ARID1A: variants seen among roughly 807,000 people sequenced by gnomAD.
ARID1A encodes the protein AT-rich interactive domain-containing protein 1A.
A neutral mutation model predicts 212.6 loss-of-function variants in ARID1A; 20 were observed. The ratio of observed to expected loss-of-function variants is 0.09; its 90% CI spans 0.07 to 0.14. ARID1A has a LOEUF of 0.14. ARID1A is among the 10% of genes least tolerant of loss of function. The pLI, the probability that ARID1A is intolerant of heterozygous loss-of-function variation, is 1.00. For missense variants in ARID1A, 2,587 were observed against 3,059.0 expected (o/e 0.85, Z 3.64); for synonymous variants, 1,376 against 1,222.1 (o/e 1.13, Z -2.63).
chr1:26,699,416 G>A (rs576219719), intron 1 of ARID1A, among the ~76,000 whole-genome samples: 1 of 152,258 alleles, frequency 6.6e-6, no homozygotes, highest in South Asian at 2.1e-4. Flanking sequence ...AACCCCTTGC[G>A]CTTTTGTGCT....
intron 4 of ARID1A, among the ~76,000 whole-genome samples, chr1:26,755,778 C>G (rs2080923096): frequency 6.6e-6 from 1 of 151,198 alleles, no homozygotes; most frequent in African/African-American, 2.4e-5. Flanking sequence ...GAGTCTCGCT[C>G]TGTTGCCCAG....
chr1:26,738,027 CTCTT>C (rs1344905837), intron 4 of ARID1A, among the ~76,000 whole-genome samples: 1 of 150,862 alleles, frequency 6.6e-6, no homozygotes, highest in African/African-American at 2.4e-5. Context: ...CTATAGTAAA[CTCTT>C]TTTTTTTTTT....
At chr1:26,741,040 TGGGTAAGACCTGAGTC>T (rs1474258976) in intron 4 of ARID1A, among the ~76,000 whole-genome samples, 1 of 152,204 alleles carries the variant, frequency 6.6e-6, no homozygotes, top group Non-Finnish European at 1.5e-5. Context: ...AACTGAAACT[TGGGTAAGACCTGAGTC>T]TGGATACAAG....
chr1:26,700,768 A>C (rs1464743898), intron 1 of ARID1A, among the ~76,000 whole-genome samples: 3 of 152,254 alleles, frequency 2.0e-5, no homozygotes, highest in Non-Finnish European at 4.4e-5. Flanking sequence ...ACTGGCAGAA[A>C]TTCTAGGCTG....
At chr1:26,714,623 G>A (rs1400865217) in intron 1 of ARID1A, among the ~76,000 whole-genome samples, 1 of 152,052 alleles carries the variant, frequency 6.6e-6, no homozygotes, top group Non-Finnish European at 1.5e-5. Flanking sequence ...CACTATGTCA[G>A]CCAGGCTGGT....
intron 1 of ARID1A, among the ~76,000 whole-genome samples, chr1:26,709,573 T>C (rs990515637): frequency 8.6e-5 from 13 of 151,698 alleles, no homozygotes; most frequent in Non-Finnish European, 1.9e-4. Context: ...TATTGGTCTT[T>C]ACCGAATTCA....
chr1:26,736,322 C>CAAAA (rs1159133678), intron 4 of ARID1A, among the ~76,000 whole-genome samples: 1 of 52,450 alleles, frequency 1.9e-5, no homozygotes, highest in African/African-American at 7.1e-5. Flanking sequence ...AACTCCATCT[C>CAAAA]AAAAAAAAAA....
At chr1:26,758,774 A>G (rs1178417764) in intron 4 of ARID1A, among the ~76,000 whole-genome samples, 5 of 152,194 alleles carry the variant, frequency 3.3e-5, no homozygotes, top group Non-Finnish European at 5.9e-5. Flanking sequence ...AAATCATTCT[A>G]TGCTGGAACG....
rs1057522894 is a variant in ARID1A, at chr1:26,696,514, C to T, written c.111C>T (p.Gly37=). The T allele has an allele frequency of 7.3e-6, 9 of 1,227,098 alleles. No individual in the cohort carries two copies. The highest frequency in any genetic ancestry group is 6.3e-5 in the African/African-American group (4 of 63,150). The allele number at this position is 1,227,098 out of a possible 1,614,324, so 76.0% of individuals were successfully genotyped here. A position where few individuals can be genotyped will look rare whatever the true frequency, so the allele number is the denominator to read the frequency against. ...AEQQQREEAG[G]EAAAAAAAER... is the part of the protein sequence containing the mutation. ...AGCAGCAGCGGGAGGAGGCGGGGGG[C>T]GAGGCGGCGGCGGCGGCAGCGGCCG... The change falls in exon 1 of 20, where the codon GGC becomes GGT. Residue 37 remains glycine (G), a synonymous_variant. Transcript: ENST00000324856.
chr1:26,721,649 A>G (rs1055175826), intron 1 of ARID1A, among the ~76,000 whole-genome samples: 2 of 152,216 alleles, frequency 1.3e-5, no homozygotes, highest in Non-Finnish European at 2.9e-5. Flanking sequence ...TAGGAAGAGC[A>G]TTTTCTCTGG....
chr1:26,756,439 C>A (rs924188476), intron 4 of ARID1A, among the ~76,000 whole-genome samples: 2 of 151,798 alleles, frequency 1.3e-5, no homozygotes, highest in Admixed American at 1.3e-4. Flanking sequence ...GCCTGTAATC[C>A]CAGCTACTCA....
intron 19 of ARID1A, among the ~76,000 whole-genome samples, chr1:26,777,879 C>A (rs140244598): frequency 0.012 from 1,898 of 152,170 alleles, 39 homozygotes; most frequent in African/African-American, 0.044. Context: ...ACCATCCTGG[C>A]CAATATGGTG....
chr1:26,746,249 G>T (rs1007240882), intron 4 of ARID1A, among the ~76,000 whole-genome samples: 3 of 152,306 alleles, frequency 2.0e-5, no homozygotes, highest in African/African-American at 7.2e-5. Flanking sequence ...CTGAAAGGAA[G>T]AATTCTCAAA....
At chr1:26,738,083 G>A (rs548488708) in intron 4 of ARID1A, among the ~76,000 whole-genome samples, 1 of 151,698 alleles carries the variant, frequency 6.6e-6, no homozygotes, top group South Asian at 2.1e-4. Context: ...GAGTGCAGTG[G>A]CACAATCGCA....
chr1:26,721,707 C>G (rs976482184), intron 1 of ARID1A, among the ~76,000 whole-genome samples: 1 of 152,086 alleles, frequency 6.6e-6, no homozygotes, highest in Non-Finnish European at 1.5e-5. Flanking sequence ...ATGAAAGTGC[C>G]CTGGATGAAG....
At chr1:26,756,315 G>A (rs978447099) in intron 4 of ARID1A, among the ~76,000 whole-genome samples, 3 of 151,968 alleles carry the variant, frequency 2.0e-5, no homozygotes, top group African/African-American at 7.2e-5. Flanking sequence ...CGGCATTTTG[G>A]GAGGCCAAGG....
At chr1:26,761,519 T>A (rs755068264) in intron 6 of ARID1A, 46 bp downstream of exon 6, 8 of 1,572,498 alleles carry the variant, frequency 5.1e-6, no homozygotes, top group Non-Finnish European at 7.0e-6. Context: ...AGGGCAGACA[T>A]TTGAGTGCCC....
At chr1:26,709,629 T>TTC in intron 1 of ARID1A, among the ~76,000 whole-genome samples, 1 of 149,334 alleles carries the variant, frequency 6.7e-6, no homozygotes, top group African/African-American at 2.5e-5. Context: ...TGTAATGCTT[T>TTC]TTTTTTTTTT....
intron 1 of ARID1A, among the ~76,000 whole-genome samples, chr1:26,712,048 T>G (rs1030096232): frequency 3.9e-5 from 6 of 151,954 alleles, no homozygotes; most frequent in African/African-American, 1.5e-4. Flanking sequence ...ACCACTGCAC[T>G]CCAGCCTAGG....
Sources: allele counts gnomAD v4.1 joint callset (sites outside exome capture counted in the v4.1 genomes callset), GRCh38; gene constraint gnomAD v4.1.1; transcripts MANE v1.5; gene names NCBI Gene and HGNC (gene_info 2026-07-23, HGNC 2026-07-21).